SPOCK3: variants seen among roughly 807,000 people sequenced by gnomAD.
SPOCK3 encodes SPARC (osteonectin), cwcv and kazal like domains proteoglycan 3.
In SPOCK3, 30 loss-of-function variants were observed where a neutral mutation model predicts 56.6. The ratio of observed to expected loss-of-function variants is 0.53; its 90% confidence interval spans 0.40 to 0.72. The LOEUF is 0.72. Among genes scored for constraint, SPOCK3 ranks in the 30% least tolerant of loss-of-function variants. SPOCK3 has a pLI of 0.00. For missense variants in SPOCK3, 527 were observed against 530.0 expected, an observed-to-expected ratio of 0.99 and a Z score of 0.06; for synonymous variants, 196 against 183.3, an observed-to-expected ratio of 1.07 and a Z score of -0.56.
chr4:167,000,389 G>A lies in SPOCK3; in HGVS notation c.310C>T (p.Gln104Ter). ...CGGTGACTAATGCAGACTGCAGTCT[G>A]AGAATCTTGAGCAATGCATACTTTA... ...RHKVCIAQDS[Q>*]TAVCISHRRL... The change falls in exon 4 of 11, where the codon CAG (glutamine) becomes TAG (stop). Residue 104 changes from glutamine to a stop codon, truncating the protein, a stop_gained. Coordinates refer to ENST00000357545, the MANE Select transcript of SPOCK3 (RefSeq NM_001040159.2). LOFTEE classifies it high-confidence loss of function. 6.2e-7 allele frequency: 1 copy of A among 1,606,462 alleles called. No homozygotes were observed. The highest frequency in any genetic ancestry group is 8.5e-7 in the Non-Finnish European group (1 of 1,175,646).
intron 2 of SPOCK3, among the ~76,000 whole-genome samples, chr4:167,145,016 G>A (rs1265289322): frequency 6.6e-6 from 1 of 151,954 alleles, no homozygotes; most frequent in East Asian, 1.9e-4. Context: ...AAAAAAAACT[G>A]TAACACAGCA....
intron 6 of SPOCK3, among the ~76,000 whole-genome samples, chr4:166,845,548 G>C (rs565247539): frequency 6.6e-6 from 1 of 152,100 alleles, no homozygotes; most frequent in African/African-American, 2.4e-5. Flanking sequence ...TTTTGAAGTA[G>C]TTTCTATTTT....
chr4:166,853,419 T>A (rs1730338297), intron 6 of SPOCK3, among the ~76,000 whole-genome samples: 1 of 152,226 alleles, frequency 6.6e-6, no homozygotes, highest in Non-Finnish European at 1.5e-5. Flanking sequence ...CTCTTATTTT[T>A]ATAAATTATT....
chr4:167,066,353 G>T (rs1427626), intron 2 of SPOCK3, among the ~76,000 whole-genome samples: 90,219 of 151,470 alleles, frequency 0.6, 28,214 homozygotes, highest in East Asian at 0.78. Flanking sequence ...TACCGGTGGG[G>T]ATACTACTAC....
At chr4:166,966,484 T>G (rs1425843677) in intron 4 of SPOCK3, among the ~76,000 whole-genome samples, 1 of 152,160 alleles carries the variant, frequency 6.6e-6, no homozygotes, top group Admixed American at 6.5e-5. Flanking sequence ...TTATGCGTCC[T>G]TCTGATTTCT....
At chr4:167,212,520 C>T (rs1041769807) in intron 2 of SPOCK3, among the ~76,000 whole-genome samples, 4 of 152,038 alleles carry the variant, frequency 2.6e-5, no homozygotes, top group Admixed American at 1.3e-4. Context: ...GGATTACAGG[C>T]GGGAGCCACG....
chr4:166,901,717 G>T (rs913895154), intron 5 of SPOCK3, among the ~76,000 whole-genome samples: 1 of 152,108 alleles, frequency 6.6e-6, no homozygotes, highest in Non-Finnish European at 1.5e-5. Context: ...TAAGGCAAAA[G>T]CCACGTTGGA....
chr4:167,188,509 G>T (rs1208690178), intron 2 of SPOCK3, among the ~76,000 whole-genome samples: 1 of 144,772 alleles, frequency 6.9e-6, no homozygotes, highest in Admixed American at 7.1e-5. Context: ...TGAAAGATGG[G>T]GAACTTTAAG....
intron 4 of SPOCK3, among the ~76,000 whole-genome samples, chr4:166,928,189 A>G (rs985241987): frequency 1.3e-5 from 2 of 152,166 alleles, no homozygotes; most frequent in Non-Finnish European, 2.9e-5. Context: ...CAAACTAAAC[A>G]TACTCTTACC....
intron 2 of SPOCK3, among the ~76,000 whole-genome samples, chr4:167,228,671 T>C (rs1336302061): frequency 2.0e-5 from 3 of 152,118 alleles, no homozygotes; most frequent in Non-Finnish European, 4.4e-5. Context: ...GAGTTTGTGC[T>C]GTGATCACGG....
chr4:167,109,452 A>G (rs1466989427), intron 2 of SPOCK3, among the ~76,000 whole-genome samples: 1 of 106,152 alleles, frequency 9.4e-6, no homozygotes, highest in African/African-American at 3.6e-5. Context: ...ATTTATATTT[A>G]TATACATATA....
intron 4 of SPOCK3, among the ~76,000 whole-genome samples, chr4:166,950,768 A>G (rs1318060320): frequency 6.7e-6 from 1 of 150,316 alleles, no homozygotes; most frequent in African/African-American, 2.5e-5. Flanking sequence ...ACTAGAACTC[A>G]GAATTAAGAA....
intron 4 of SPOCK3, among the ~76,000 whole-genome samples, chr4:166,956,176 C>T (rs1743441299): frequency 6.6e-6 from 1 of 151,868 alleles, no homozygotes; most frequent in African/African-American, 2.4e-5. Context: ...TGCCAAGCCC[C>T]CCAGTAGATG....
chr4:166,927,771 G>A (rs72697560), intron 4 of SPOCK3, among the ~76,000 whole-genome samples: 529 of 152,094 alleles, frequency 3.5e-3, no homozygotes, highest in Non-Finnish European at 5.5e-3. Context: ...GAAAGACAGC[G>A]TCAAGAGAAT....
At chr4:167,126,662 T>G (rs994875829) in intron 2 of SPOCK3, among the ~76,000 whole-genome samples, 1 of 152,266 alleles carries the variant, frequency 6.6e-6, no homozygotes, top group South Asian at 2.1e-4. Flanking sequence ...AATGGTCTTC[T>G]TCTCAGGCCC....
chr4:166,840,138 C>T (rs1276782632), intron 6 of SPOCK3, among the ~76,000 whole-genome samples: 1 of 152,208 alleles, frequency 6.6e-6, no homozygotes, highest in African/African-American at 2.4e-5. Context: ...AGTGGTACCT[C>T]ATTATCTCCA....
intron 6 of SPOCK3, among the ~76,000 whole-genome samples, chr4:166,860,797 A>C (rs1229563821): frequency 8.0e-6 from 1 of 124,730 alleles, no homozygotes; most frequent in Non-Finnish European, 1.5e-5. Context: ...ATGCACACAC[A>C]AATTCATATA....
intron 5 of SPOCK3, among the ~76,000 whole-genome samples, chr4:166,896,047 C>T (rs886718709): frequency 2.6e-5 from 4 of 151,770 alleles, no homozygotes; most frequent in East Asian, 1.9e-4. Flanking sequence ...GGTGGCATAG[C>T]GAAGAGGAAG....
intron 3 of SPOCK3, among the ~76,000 whole-genome samples, chr4:167,025,405 C>A (rs551999540): frequency 6.6e-6 from 1 of 152,124 alleles, no homozygotes; most frequent in African/African-American, 2.4e-5. Flanking sequence ...GGTAAAAATA[C>A]ACTATACCTG....
Sources: allele counts gnomAD v4.1 joint callset (sites outside exome capture counted in the v4.1 genomes callset), GRCh38; gene constraint gnomAD v4.1.1; transcripts MANE v1.5; gene names NCBI Gene and HGNC (gene_info 2026-07-23, HGNC 2026-07-21).